HSD17B12: variants seen among roughly 807,000 people sequenced by gnomAD.
HSD17B12 encodes the protein very-long-chain 3-oxoacyl-CoA reductase.
A neutral mutation model predicts 39.3 loss-of-function variants in HSD17B12; 32 were observed. The observed-to-expected ratio is 0.81, with a 90% CI of 0.61 to 1.09. The LOEUF is 1.09. Among genes scored for constraint, HSD17B12 ranks in the 50% least tolerant of loss-of-function variants. The probability of loss-of-function intolerance (pLI) is 0.00; values close to 1 mark genes in which losing one functional copy is unlikely to be tolerated. For missense variants in HSD17B12, 342 were observed against 382.9 expected, an observed-to-expected ratio of 0.89 and a Z score of 0.89; for synonymous variants, 150 against 146.7, an observed-to-expected ratio of 1.02 and a Z score of -0.16.
the HSD17B12 span, among the ~76,000 whole-genome samples, chr11:43,593,451 G>A: frequency 6.6e-6 from 1 of 152,136 alleles, no homozygotes; most frequent in Non-Finnish European, 1.5e-5. Context: ...GAACTGTGCA[G>A]TTATCTGTGT....
chr11:43,747,783 C>T (rs1311935073), intron 1 of HSD17B12, among the ~76,000 whole-genome samples: 3 of 152,204 alleles, frequency 2.0e-5, no homozygotes, highest in Admixed American at 6.5e-5. Context: ...TTGCCCTGAA[C>T]GTCTGCTTCT....
intron 1 of HSD17B12, among the ~76,000 whole-genome samples, chr11:43,702,710 T>A (rs568509274): frequency 6.6e-6 from 1 of 152,354 alleles, no homozygotes; most frequent in East Asian, 1.9e-4. Context: ...TGCAAGCTTG[T>A]CCAATCTGCG....
At chr11:43,620,105 T>C in the HSD17B12 span, among the ~76,000 whole-genome samples, 2 of 152,218 alleles carry the variant, frequency 1.3e-5, no homozygotes, top group Non-Finnish European at 2.9e-5. Context: ...GGCTTTGTAG[T>C]CAGCAAATCC....
At chr11:43,761,902 C>CATGAGT (rs550128235) in intron 3 of HSD17B12, among the ~76,000 whole-genome samples, 156 of 152,180 alleles carry the variant, frequency 1.0e-3, no homozygotes, top group African/African-American at 3.7e-3. Context: ...ATGAATCTGC[C>CATGAGT]CAGATTTAAG....
At chr11:43,563,342 T>C in the HSD17B12 span, among the ~76,000 whole-genome samples, 1 of 152,324 alleles carries the variant, frequency 6.6e-6, no homozygotes, top group African/African-American at 2.4e-5. Flanking sequence ...AATCCTGGGT[T>C]GTTATGCAAT....
chr11:43,706,377 C>G (rs766659791), intron 1 of HSD17B12, among the ~76,000 whole-genome samples: 6 of 152,072 alleles, frequency 3.9e-5, no homozygotes, highest in Non-Finnish European at 7.4e-5. Flanking sequence ...AACCCCGTCT[C>G]TATTAAAAAT....
chr11:43,666,992 A>G, the HSD17B12 span, among the ~76,000 whole-genome samples: 21 of 152,348 alleles, frequency 1.4e-4, no homozygotes, highest in African/African-American at 5.1e-4. Context: ...CAGATAGCAA[A>G]CCAACTGATT....
intron 3 of HSD17B12, among the ~76,000 whole-genome samples, chr11:43,775,203 C>T (rs532009243): frequency 2.0e-5 from 3 of 152,278 alleles, no homozygotes; most frequent in Non-Finnish European, 2.9e-5. Context: ...TTGAAAGTGG[C>T]GCCTGAGCCT....
intron 1 of HSD17B12, among the ~76,000 whole-genome samples, chr11:43,721,236 A>T (rs1159084439): frequency 6.6e-6 from 1 of 151,926 alleles, no homozygotes; most frequent in African/African-American, 2.4e-5. Context: ...TGGGGTGGGG[A>T]TATTTTAGAT....
the HSD17B12 span, among the ~76,000 whole-genome samples, chr11:43,655,184 A>G: frequency 6.6e-6 from 1 of 152,078 alleles, no homozygotes; most frequent in Non-Finnish European, 1.5e-5. Context: ...TTGGGAGTTC[A>G]CTCATGGTTT....
At chr11:43,801,619 T>TTG (rs1950969863) in intron 4 of HSD17B12, among the ~76,000 whole-genome samples, 2 of 21,186 alleles carry the variant, frequency 9.4e-5, no homozygotes, top group Non-Finnish European at 2.9e-4. Context: ...TATATATATA[T>TTG]ATATATATAT....
chr11:43,688,239 A>G lies in HSD17B12; in HGVS notation c.160+7252A>G, dbSNP rs867699659. ...AAAAAAAAAAAATTTAATGAATACA[A>G]TAAAATGGGAATTTATGCTTTTTGT... On this transcript the variant is annotated intron_variant, in intron 1 of 10. Transcript: ENST00000278353. Among the ~76,000 whole-genome samples the G allele has an allele frequency of 2.2e-4, 33 of 152,278 alleles. No individual in the cohort carries two copies. In the East Asian group the frequency reaches 2.3e-3, roughly 11 times the overall value.
the HSD17B12 span, among the ~76,000 whole-genome samples, chr11:43,612,279 G>A: frequency 2.3e-3 from 344 of 152,306 alleles, 3 homozygotes; most frequent in African/African-American, 7.9e-3. Flanking sequence ...CTTCTGGGTA[G>A]TAATCTTATC....
intron 6 of HSD17B12, among the ~76,000 whole-genome samples, chr11:43,824,540 C>T (rs976615392): frequency 2.6e-5 from 4 of 152,116 alleles, no homozygotes; most frequent in African/African-American, 7.2e-5. Context: ...CTTGCCATGT[C>T]CTCATGTGGC....
intron 3 of HSD17B12, among the ~76,000 whole-genome samples, chr11:43,774,247 C>T (rs146476588): frequency 1.3e-4 from 19 of 151,594 alleles, no homozygotes; most frequent in African/African-American, 4.6e-4. Context: ...TGGAGTCTCG[C>T]TCTGTCACCC....
chr11:43,662,407 G>GTGTGTT, the HSD17B12 span, among the ~76,000 whole-genome samples: 1 of 146,854 alleles, frequency 6.8e-6, no homozygotes, highest in African/African-American at 2.5e-5. Flanking sequence ...GTGTGTGTGT[G>GTGTGTT]TGTGTGTGTG....
At position 43,820,968 on chromosome 11, in the gene HSD17B12, A is replaced by G. The variant is rs191598376; in HGVS notation, c.501+4577A>G. On this transcript the variant is annotated intron_variant, in intron 6 of 10. Transcript: ENST00000278353. ...AAAAATCACATAAGTTCCGTGTTTC[A>G]ATAGAGGAATGACAGAAGTGAAATA... Among the ~76,000 whole-genome samples, 184 of 152,324 alleles carry G rather than the reference A, an allele frequency of 1.2e-3. 1 individual carries two copies. Among genetic ancestry groups the G allele is most frequent in the African/African-American group, 4.2e-3 (176 of 41,570 alleles).
the HSD17B12 span, among the ~76,000 whole-genome samples, chr11:43,560,438 T>C: frequency 2.0e-5 from 3 of 152,204 alleles, no homozygotes; most frequent in African/African-American, 7.2e-5. Context: ...AATGCTACTT[T>C]AGGGTCCCTT....
At chr11:43,813,600 TA>T (rs1304736407) in intron 4 of HSD17B12, among the ~76,000 whole-genome samples, 1 of 152,208 alleles carries the variant, frequency 6.6e-6, no homozygotes, top group Non-Finnish European at 1.5e-5. Context: ...AGTCATATTC[TA>T]AATTATTCAT....
Sources: allele counts gnomAD v4.1 joint callset (sites outside exome capture counted in the v4.1 genomes callset), GRCh38; gene constraint gnomAD v4.1.1; transcripts MANE v1.5; gene names NCBI Gene and HGNC (gene_info 2026-07-23, HGNC 2026-07-21).